Variants in HEPACAM2 observed in about 807,000 individuals in gnomAD.
The protein encoded by HEPACAM2 is HEPACAM family member 2.
A neutral mutation model predicts 49.6 loss-of-function variants in HEPACAM2; 49 were observed. The observed-to-expected ratio is 0.99, with a 90% CI of 0.78 to 1.25. The LOEUF (loss-of-function observed/expected upper bound fraction) is 1.25, where lower values mean the gene tolerates loss of function less well. Ranked by LOEUF, HEPACAM2 falls within the 50% of genes most tolerant of loss-of-function variation. The pLI is 0.00. For synonymous variants in HEPACAM2, 197 were observed against 202.9 expected (o/e 0.97, Z 0.25); for missense variants, 525 against 557.2 (o/e 0.94, Z 0.58).
At chr7:93,231,261 G>T (rs1365914644), upstream of HEPACAM2, among the ~76,000 whole-genome samples, 1 of 151,992 alleles carries the variant, frequency 6.6e-6, no homozygotes, top group Non-Finnish European at 1.5e-5. Flanking sequence ...ATGGGTCTGT[G>T]TCATACTTTT....
intron 1 of HEPACAM2, among the ~76,000 whole-genome samples, chr7:93,225,466 A>G (rs1794522159): frequency 6.6e-6 from 1 of 152,116 alleles, no homozygotes; most frequent in Admixed American, 6.6e-5. Flanking sequence ...AACTTTAACA[A>G]AATATAGGAG....
chr7:93,215,723 T>C (rs975710879), intron 2 of HEPACAM2, 38 bp from the exon 3 acceptor site: 2 of 1,590,122 alleles, frequency 1.3e-6, no homozygotes, highest in Non-Finnish European at 1.7e-6. Flanking sequence ...TTTTTTCTTT[T>C]CATGGAAATA....
chr7:93,216,998 T>C (rs1794321232), intron 2 of HEPACAM2, among the ~76,000 whole-genome samples: 1 of 152,124 alleles, frequency 6.6e-6, no homozygotes, highest in Admixed American at 6.5e-5. Context: ...AGTCGAAAGG[T>C]AACTTATGGG....
Position 93,189,027 on chromosome 7 carries a change from C to T in HEPACAM2, c.*240G>A. 2.0e-6 allele frequency: 1 copy of T among 494,748 alleles called. No individual in the cohort carries two copies. Among genetic ancestry groups the T allele is most frequent in the East Asian group, 3.2e-5 (1 of 31,558 alleles). The allele number at this position is 494,748 out of a possible 1,614,324, so 30.6% of individuals were successfully genotyped here. A position where few individuals can be genotyped will look rare whatever the true frequency, so the allele number is the denominator to read the frequency against. ...GTTCTCCCCGTCAGCATGAGAACGA[C>T]TCTCCACTGAGGAATATTTCCCCAA... On this transcript the variant is annotated 3_prime_UTR_variant, in exon 10 of 10. Coordinates refer to ENST00000394468, the MANE Select transcript of HEPACAM2 (RefSeq NM_001039372.4).
intron 1 of HEPACAM2, among the ~76,000 whole-genome samples, chr7:93,220,346 G>A (rs1454779552): frequency 6.6e-6 from 1 of 152,212 alleles, no homozygotes; most frequent in Non-Finnish European, 1.5e-5. Flanking sequence ...AACTGTGCTG[G>A]AAACTAGGGT....
chr7:93,195,404 T>G (rs929461333), intron 8 of HEPACAM2, among the ~76,000 whole-genome samples: 5 of 151,932 alleles, frequency 3.3e-5, no homozygotes, highest in Non-Finnish European at 7.4e-5. Context: ...TTTTTAAATA[T>G]TTGTTGGGAT....
intron 4 of HEPACAM2, chr7:93,205,484 A>G (rs1319750265): frequency 3.3e-5 from 5 of 152,176 alleles, no homozygotes; most frequent in African/African-American, 4.8e-5. Context: ...TTGCCTTATT[A>G]AGAAGTAAGA....
chr7:93,215,977 GCTTC>G (rs566585417), intron 2 of HEPACAM2, among the ~76,000 whole-genome samples: 42 of 152,256 alleles, frequency 2.8e-4, no homozygotes, highest in African/African-American at 8.9e-4. Flanking sequence ...GAGAATGTCA[GCTTC>G]CTTATTTCCT....
At chr7:93,201,497 G>T (rs1399223426) in intron 4 of HEPACAM2, among the ~76,000 whole-genome samples, 1 of 151,632 alleles carries the variant, frequency 6.6e-6, no homozygotes, top group Admixed American at 6.6e-5. Flanking sequence ...AGACTTTAGG[G>T]ATTAAAAATT....
At chr7:93,206,946 T>TA (rs1257735663) in intron 4 of HEPACAM2, among the ~76,000 whole-genome samples, 2 of 152,190 alleles carry the variant, frequency 1.3e-5, no homozygotes, top group South Asian at 2.1e-4. Flanking sequence ...ACTCTGGAGA[T>TA]AAAATATACT....
At chr7:93,191,266 T>C (rs1009597087) in intron 9 of HEPACAM2, among the ~76,000 whole-genome samples, 1 of 152,076 alleles carries the variant, frequency 6.6e-6, no homozygotes, top group African/African-American at 2.4e-5. Context: ...CTTATTTATG[T>C]GACTCTAGGT....
intron 1 of HEPACAM2, among the ~76,000 whole-genome samples, chr7:93,222,392 C>G (rs867434666): frequency 4.0e-5 from 6 of 151,864 alleles, no homozygotes; most frequent in African/African-American, 1.5e-4. Flanking sequence ...TGTATTGCTC[C>G]CTCCTTTTTT....
intron 3 of HEPACAM2, 63 bp downstream of exon 3, chr7:93,215,338 C>A: frequency 6.8e-7 from 1 of 1,465,186 alleles, no homozygotes; most frequent in South Asian, 1.2e-5. Context: ...CTGTGACTAT[C>A]CTGGGAGATA....
At chr7:93,195,281 G>A (rs1793663194) in intron 8 of HEPACAM2, among the ~76,000 whole-genome samples, 1 of 152,124 alleles carries the variant, frequency 6.6e-6, no homozygotes, top group African/African-American at 2.4e-5. Context: ...AGGCTGGAGT[G>A]CGGTAGTGTG....
At chr7:93,194,921 CTTTTT>C (rs80158728) in intron 8 of HEPACAM2, among the ~76,000 whole-genome samples, 4 of 118,172 alleles carry the variant, frequency 3.4e-5, no homozygotes, top group South Asian at 2.7e-4. Flanking sequence ...TTTAAAAGAT[CTTTTT>C]TTTTTTTTTT....
At chr7:93,231,115 C>T (rs1437443071), upstream of HEPACAM2, among the ~76,000 whole-genome samples, 1 of 152,150 alleles carries the variant, frequency 6.6e-6, no homozygotes. Flanking sequence ...TAGTGTCCCC[C>T]AAACTTCAGT....
intron 8 of HEPACAM2, 136 bp downstream of exon 8, chr7:93,195,692 A>G: frequency 3.0e-6 from 2 of 670,960 alleles, no homozygotes; most frequent in South Asian, 1.9e-5. Context: ...ATTACGGAGT[A>G]AGTCAACACT....
chr7:93,210,127 G>A (rs537729799), intron 3 of HEPACAM2, among the ~76,000 whole-genome samples: 1 of 151,986 alleles, frequency 6.6e-6, no homozygotes, highest in South Asian at 2.1e-4. Flanking sequence ...TCTTCTCCTA[G>A]ATAGGTTTTC....
intron 1 of HEPACAM2, among the ~76,000 whole-genome samples, chr7:93,221,035 G>A (rs536474795): frequency 6.6e-6 from 1 of 152,274 alleles, no homozygotes; most frequent in South Asian, 2.1e-4. Flanking sequence ...TGTAGACAAT[G>A]AGTATAGACA....
Sources: allele counts gnomAD v4.1 joint callset (sites outside exome capture counted in the v4.1 genomes callset), GRCh38; gene constraint gnomAD v4.1.1; transcripts MANE v1.5; gene names NCBI Gene and HGNC (gene_info 2026-07-23, HGNC 2026-07-21).